ATG16L1: variants seen among roughly 807,000 people sequenced by gnomAD.
ATG16L1 encodes autophagy related 16 like 1.
A neutral mutation model predicts 88.5 loss-of-function variants in ATG16L1; 37 were observed. The observed-to-expected ratio is 0.42, with a 90% confidence interval of 0.32 to 0.55. The LOEUF is 0.55. Ranked by LOEUF, ATG16L1 falls within the 20% of genes least tolerant of loss-of-function variation. ATG16L1 has a pLI of 0.13. For synonymous variants in ATG16L1, 301 were observed against 281.0 expected, an observed-to-expected ratio of 1.07 and a Z score of -0.71; for missense variants, 554 against 752.8, an observed-to-expected ratio of 0.74 and a Z score of 3.09.
chr2:233,275,956 A>G (rs1362754278), intron 9 of ATG16L1: 4 of 519,224 alleles, frequency 7.7e-6, no homozygotes, highest in South Asian at 5.6e-5. Flanking sequence ...GACGAGTGGC[A>G]GTCATGGGTG....
At chr2:233,289,582 G>A (rs1699322520) in intron 12 of ATG16L1, among the ~76,000 whole-genome samples, 1 of 152,144 alleles carries the variant, frequency 6.6e-6, no homozygotes, top group Non-Finnish European at 1.5e-5. Flanking sequence ...GTAGAGATGG[G>A]GGTTTCACTG....
chr2:233,294,188 T>G, intron 17 of ATG16L1, 69 bp from the exon 18 acceptor site: 3 of 1,243,538 alleles, frequency 2.4e-6, no homozygotes, highest in Non-Finnish European at 3.3e-6. Flanking sequence ...AAGCTTCTGG[T>G]GTTTGGTTTA....
At chr2:233,253,126 G>C (rs1402339204) in intron 1 of ATG16L1, among the ~76,000 whole-genome samples, 1 of 152,118 alleles carries the variant, frequency 6.6e-6, no homozygotes, top group African/African-American at 2.4e-5. Flanking sequence ...TGCATGCCAA[G>C]TTATCAGTGT....
chr2:233,275,865 G>A (rs752692603), intron 9 of ATG16L1: 2 of 519,058 alleles, frequency 3.9e-6, no homozygotes, highest in Non-Finnish European at 7.7e-6. Flanking sequence ...CTGATAATTT[G>A]GGATTCTGTC....
chr2:233,293,391 T>G (rs1195301503), intron 17 of ATG16L1, 34 bp downstream of exon 17: 3 of 1,587,764 alleles, frequency 1.9e-6, no homozygotes, highest in Non-Finnish European at 2.6e-6. Context: ...CCCCGTTGCG[T>G]TGTGAGCAAG....
intron 12 of ATG16L1, chr2:233,288,872 C>G (rs749935042): frequency 1.9e-6 from 1 of 519,230 alleles, no homozygotes; most frequent in Non-Finnish European, 3.8e-6. Flanking sequence ...ACAGCTTAGT[C>G]ACAAAGGGAT....
chr2:233,275,665 C>A, intron 9 of ATG16L1: 3 of 497,944 alleles, frequency 6.0e-6, no homozygotes, highest in Non-Finnish European at 8.1e-6. Flanking sequence ...TGGGGCGCAT[C>A]AACGCCCCTT....
intron 16 of ATG16L1, 110 bp downstream of exon 16, chr2:233,292,544 T>TCAG: frequency 7.5e-7 from 1 of 1,338,820 alleles, no homozygotes; most frequent in Non-Finnish European, 1.1e-6. Context: ...CAACCTATGT[T>TCAG]TCCAGGAGTG....
chr2:233,292,871 T>C (rs1467313418), intron 16 of ATG16L1, among the ~76,000 whole-genome samples: 1 of 152,214 alleles, frequency 6.6e-6, no homozygotes, highest in Non-Finnish European at 1.5e-5. Flanking sequence ...CAAATACCTT[T>C]CCAGGCTCAG....
intron 6 of ATG16L1, among the ~76,000 whole-genome samples, 182 bp downstream of exon 6, chr2:233,270,249 A>G (rs1354220260): frequency 1.3e-5 from 2 of 151,950 alleles, no homozygotes; most frequent in African/African-American, 4.8e-5. Flanking sequence ...ATCATCTTAC[A>G]GATTTTAGAA....
At chr2:233,292,325 C>G in intron 15 of ATG16L1, 48 bp downstream of exon 15, 1 of 1,610,414 alleles carries the variant, frequency 6.2e-7, no homozygotes, top group South Asian at 1.1e-5. Flanking sequence ...CCCAGCCCTG[C>G]TCTCTTAACG....
intron 10 of ATG16L1, 122 bp from the exon 11 acceptor site, chr2:233,280,982 AG>A (rs1158038817): frequency 1.7e-6 from 1 of 586,444 alleles, no homozygotes; most frequent in Non-Finnish European, 3.0e-6. Flanking sequence ...GATTCTGTAA[AG>A]GTACAGGATA....
chr2:233,272,638 C>A (rs917582176), intron 6 of ATG16L1, among the ~76,000 whole-genome samples: 1 of 152,216 alleles, frequency 6.6e-6, no homozygotes, highest in African/African-American at 2.4e-5. Flanking sequence ...GAATGCCCTA[C>A]TTTGGCACTG....
chr2:233,273,380 G>A (rs993282870), intron 7 of ATG16L1: 8 of 475,148 alleles, frequency 1.7e-5, no homozygotes, highest in Non-Finnish European at 2.6e-5. Flanking sequence ...GCTTCCCCCC[G>A]CCCGCACCGC....
chr2:233,287,143 G>T (rs2125287264), intron 12 of ATG16L1, among the ~76,000 whole-genome samples: 1 of 152,238 alleles, frequency 6.6e-6, no homozygotes, highest in South Asian at 2.1e-4. Flanking sequence ...CATTCATCTT[G>T]CTGAGTCCGT....
intron 3 of ATG16L1, 54 bp from the exon 4 acceptor site, chr2:233,263,938 C>A (rs193205624): frequency 1.7e-5 from 27 of 1,571,426 alleles, no homozygotes; most frequent in African/African-American, 2.7e-5. Context: ...TGTGTAGTTT[C>A]CAAATGAGGT....
chr2:233,276,702 C>T (rs555779181), intron 9 of ATG16L1, among the ~76,000 whole-genome samples: 1 of 152,190 alleles, frequency 6.6e-6, no homozygotes, highest in African/African-American at 2.4e-5. Context: ...GTCTTGAACT[C>T]CTGAGCTCAT....
chr2:233,277,514 T>C, intron 9 of ATG16L1, 54 bp from the exon 10 acceptor site: 2 of 1,539,562 alleles, frequency 1.3e-6, no homozygotes, highest in Non-Finnish European at 1.8e-6. Context: ...TTCGCGCATC[T>C]TGAGCTCTTG....
intron 8 of ATG16L1, 147 bp from the exon 9 acceptor site, chr2:233,274,529 G>A: frequency 3.4e-6 from 2 of 586,120 alleles, no homozygotes; most frequent in Non-Finnish European, 6.0e-6. Flanking sequence ...TTTGTGAATT[G>A]TTCTGTAGTT....
Sources: gnomAD v4.1 joint callset for allele counts (sites outside exome capture counted in the v4.1 genomes callset) on GRCh38, gnomAD v4.1.1 for gene constraint, MANE v1.5 for transcripts, NCBI Gene and HGNC (gene_info 2026-07-23, HGNC 2026-07-21) for gene names.